DRC11: variants seen among roughly 807,000 people sequenced by gnomAD.
DRC11 encodes dynein regulatory complex subunit 11.
the DRC11 span, chr2:236,419,178 G>GT: frequency 1.3e-6 from 2 of 1,535,496 alleles, no homozygotes; most frequent in East Asian, 2.5e-5. The surrounding 1 kb of genome is among the most constrained non-coding windows in gnomAD (Gnocchi z 4.8). Flanking sequence ...CCTTTCTTTT[G>GT]TTTTTTGGCT....
chr2:236,376,970 T>C, the DRC11 span: 1 of 614,004 alleles, frequency 1.6e-6, no homozygotes, highest in South Asian at 2.2e-5. This position sits in a 1 kb window ranked among gnomAD's most constrained non-coding sequence, Gnocchi z 5.7. Flanking sequence ...CCAACAAACA[T>C]TTACCAGGAG....
At chr2:236,357,453 A>G in the DRC11 span, among the ~76,000 whole-genome samples, 1 of 126,234 alleles carries the variant, frequency 7.9e-6, no homozygotes, top group East Asian at 2.4e-4. Flanking sequence ...TTTATAAATT[A>G]TATATATTTA....
At chr2:236,459,624 C>CGTACGTATATACGTAT in the DRC11 span, among the ~76,000 whole-genome samples, 6 of 82,650 alleles carry the variant, frequency 7.3e-5, no homozygotes, top group Non-Finnish European at 1.1e-4. Context: ...TAAGTATATA[C>CGTACGTATATACGTAT]ATACGTATAT....
the DRC11 span, among the ~76,000 whole-genome samples, chr2:236,424,147 C>T: frequency 8.7e-4 from 132 of 151,922 alleles, no homozygotes; most frequent in African/African-American, 3.1e-3. Flanking sequence ...CACATGTATA[C>T]ATATGTAACT....
the DRC11 span, among the ~76,000 whole-genome samples, chr2:236,482,453 G>A: frequency 6.6e-6 from 1 of 152,124 alleles, no homozygotes; most frequent in Non-Finnish European, 1.5e-5. This position sits in a 1 kb window ranked among gnomAD's most constrained non-coding sequence, Gnocchi z 4.5. Context: ...CTATCCTGTG[G>A]CAACTTGCCA....
the DRC11 span, among the ~76,000 whole-genome samples, chr2:236,335,190 C>T: frequency 1.8e-4 from 27 of 152,272 alleles, no homozygotes; most frequent in African/African-American, 6.3e-4. The surrounding 1 kb of genome is among the most constrained non-coding windows in gnomAD (Gnocchi z 5.6). Context: ...ACTAAGCCAC[C>T]GTCTATGTTA....
At chr2:236,331,310 C>T in the DRC11 span, 15 of 1,291,010 alleles carry the variant, frequency 1.2e-5, no homozygotes, top group African/African-American at 7.3e-5. This position sits in a 1 kb window ranked among gnomAD's most constrained non-coding sequence, Gnocchi z 4.8. Flanking sequence ...GAGGAGGCAG[C>T]GTGAGGAGTG....
At chr2:236,429,546 G>T in the DRC11 span, among the ~76,000 whole-genome samples, 2 of 152,126 alleles carry the variant, frequency 1.3e-5, no homozygotes, top group Admixed American at 1.3e-4. This position sits in a 1 kb window ranked among gnomAD's most constrained non-coding sequence, Gnocchi z 5.9. Context: ...GTCAGCCTTG[G>T]GTGCATGCAG....
the DRC11 span, among the ~76,000 whole-genome samples, chr2:236,499,075 G>C: frequency 1.3e-5 from 2 of 152,166 alleles, no homozygotes; most frequent in Non-Finnish European, 1.5e-5. The surrounding 1 kb of genome is among the most constrained non-coding windows in gnomAD (Gnocchi z 4.7). Context: ...GAAGCAAGCC[G>C]GTCAAGGGGG....
the DRC11 span, chr2:236,399,449 G>A: frequency 3.1e-6 from 5 of 1,614,034 alleles, no homozygotes; most frequent in East Asian, 1.1e-4. The surrounding 1 kb of genome is among the most constrained non-coding windows in gnomAD (Gnocchi z 7.0). Context: ...ATTGCAGGAA[G>A]AAAAAGACTT....
chr2:236,316,864 C>T, the DRC11 span, among the ~76,000 whole-genome samples: 15 of 152,138 alleles, frequency 9.9e-5, no homozygotes, highest in Admixed American at 9.8e-4. The surrounding 1 kb of genome is among the most constrained non-coding windows in gnomAD (Gnocchi z 6.8). Context: ...GCACTGCGAC[C>T]ACATGTGATG....
the DRC11 span, among the ~76,000 whole-genome samples, chr2:236,360,584 A>G: frequency 6.6e-6 from 1 of 152,210 alleles, no homozygotes; most frequent in African/African-American, 2.4e-5. This position sits in a 1 kb window ranked among gnomAD's most constrained non-coding sequence, Gnocchi z 5.8. Context: ...TTGGTAGTTA[A>G]GCACATGGAG....
chr2:236,470,703 A>G, the DRC11 span, among the ~76,000 whole-genome samples: 2 of 152,204 alleles, frequency 1.3e-5, no homozygotes, highest in East Asian at 3.8e-4. This position sits in a 1 kb window ranked among gnomAD's most constrained non-coding sequence, Gnocchi z 5.1. Flanking sequence ...CATAAAGATG[A>G]ACCCAGCAGG....
chr2:236,328,223 T>C, the DRC11 span, among the ~76,000 whole-genome samples: 1 of 152,332 alleles, frequency 6.6e-6, no homozygotes, highest in East Asian at 1.9e-4. The surrounding 1 kb of genome is among the most constrained non-coding windows in gnomAD (Gnocchi z 6.7). Context: ...GTAGGAATCC[T>C]ATGTACCCTG....
At chr2:236,324,278 T>A in the DRC11 span, 1 of 203,150 alleles carries the variant, frequency 4.9e-6, no homozygotes, top group African/African-American at 2.3e-5. The surrounding 1 kb of genome is among the most constrained non-coding windows in gnomAD (Gnocchi z 5.7). Flanking sequence ...ACTGATGATA[T>A]ACTCATTGCT....
the DRC11 span, among the ~76,000 whole-genome samples, chr2:236,443,518 A>G: frequency 1.3e-5 from 2 of 152,218 alleles, no homozygotes; most frequent in Non-Finnish European, 2.9e-5. This position sits in a 1 kb window ranked among gnomAD's most constrained non-coding sequence, Gnocchi z 4.4. Flanking sequence ...TTTACTGAGG[A>G]TAACGGCTTC....
the DRC11 span, among the ~76,000 whole-genome samples, chr2:236,357,286 TTA>T: frequency 0.011 from 1,181 of 111,364 alleles, 31 homozygotes; most frequent in African/African-American, 0.041. Context: ...TATTATATAT[TTA>T]TATATTATAT....
chr2:236,491,046 G>GTA, the DRC11 span, among the ~76,000 whole-genome samples: 105 of 128,234 alleles, frequency 8.2e-4, 3 homozygotes, highest in African/African-American at 2.4e-3. Flanking sequence ...TATATATACA[G>GTA]TATATATATA....
the DRC11 span, among the ~76,000 whole-genome samples, chr2:236,350,963 A>C: frequency 6.6e-6 from 1 of 152,184 alleles, no homozygotes; most frequent in South Asian, 2.1e-4. This position sits in a 1 kb window ranked among gnomAD's most constrained non-coding sequence, Gnocchi z 5.2. Flanking sequence ...TCCAGGAGGG[A>C]TGAAAGGGAC....
Sources: gnomAD v4.1 joint callset for allele counts (sites outside exome capture counted in the v4.1 genomes callset) on GRCh38, gnomAD v4.1.1 for gene constraint, Gnocchi (gnomAD v3.1) non-coding constraint, MANE v1.5 for transcripts, NCBI Gene and HGNC (gene_info 2026-07-23, HGNC 2026-07-21) for gene names.